Variants in GREB1L observed in about 807,000 individuals in gnomAD.
GREB1L encodes GREB1-like protein.
In GREB1L, 17 loss-of-function variants were observed where a neutral mutation model predicts 200.8. That is an observed-to-expected ratio of 0.08 (90% CI 0.06 to 0.13). GREB1L has a LOEUF of 0.13. Ranked by LOEUF, GREB1L falls within the 10% of genes least tolerant of loss-of-function variation. The pLI, the probability that GREB1L is intolerant of heterozygous loss-of-function variation, is 1.00. For synonymous variants in GREB1L, 789 were observed against 893.0 expected (o/e 0.88, Z 2.08); for missense variants, 1,657 against 2,367.7 (o/e 0.70, Z 6.23).
chr18:21,435,797 A>C (rs1477350859), intron 7 of GREB1L, among the ~76,000 whole-genome samples: 4 of 152,212 alleles, frequency 2.6e-5, no homozygotes, highest in African/African-American at 9.7e-5. Context: ...TGTGGATTTC[A>C]CTCTATAACT....
chr18:21,261,165 A>T (rs1325270643), intron 1 of GREB1L, among the ~76,000 whole-genome samples: 1 of 152,054 alleles, frequency 6.6e-6, no homozygotes, highest in Non-Finnish European at 1.5e-5. Flanking sequence ...CTATGTAAAT[A>T]TTTAGACTAT....
chr18:21,397,538 A>AT (rs1276710705), intron 5 of GREB1L, among the ~76,000 whole-genome samples: 7,526 of 132,726 alleles, frequency 0.057, 310 homozygotes, highest in Admixed American at 0.14. Flanking sequence ...AAAAAAAAAA[A>AT]AAAAATAATA....
intron 1 of GREB1L, among the ~76,000 whole-genome samples, chr18:21,343,975 G>A (rs896839444): frequency 2.0e-5 from 3 of 151,950 alleles, no homozygotes; most frequent in Non-Finnish European, 4.4e-5. Context: ...TGGTTTGACC[G>A]TGTTGGCCAG....
rs140980161 is a variant in GREB1L, at chr18:21,362,672, A to G, written c.-119-3355A>G. ...TTAATCTCCATAATTGGCATTGACC[A>G]CATGATGTTCTTAATTGACCTCCAG... is the stretch of plus-strand genomic sequence containing the variant. On this transcript the variant is annotated intron_variant, in intron 1 of 32. Coordinates refer to ENST00000424526, the MANE Select transcript of GREB1L (RefSeq NM_001142966.3). Among the ~76,000 whole-genome samples the G allele has an allele frequency of 1.8e-4, 27 of 152,354 alleles. No homozygotes were observed. The East Asian group carries it at 4.8e-3, about 27-fold the overall frequency.
At chr18:21,355,178 G>A (rs541296162) in intron 1 of GREB1L, among the ~76,000 whole-genome samples, 3 of 151,012 alleles carry the variant, frequency 2.0e-5, no homozygotes, top group Admixed American at 6.6e-5. Context: ...GGAATCACAT[G>A]CTGTCTTTTG....
chr18:21,476,222 G>A (rs1260106345), intron 16 of GREB1L, among the ~76,000 whole-genome samples: 1 of 152,208 alleles, frequency 6.6e-6, no homozygotes, highest in Non-Finnish European at 1.5e-5. Context: ...AGATGCTGAG[G>A]TTAGGAATCT....
intron 1 of GREB1L, among the ~76,000 whole-genome samples, chr18:21,271,318 A>G (rs1176712813): frequency 6.6e-6 from 1 of 151,994 alleles, no homozygotes; most frequent in Non-Finnish European, 1.5e-5. Flanking sequence ...CACCCCACAA[A>G]TTTATGGCAT....
chr18:21,313,683 T>A (rs1437078747), intron 1 of GREB1L, among the ~76,000 whole-genome samples: 4 of 152,248 alleles, frequency 2.6e-5, no homozygotes, highest in Admixed American at 6.5e-5. Flanking sequence ...AACTAGCTAA[T>A]CATACCAACA....
Position 21,505,967 on chromosome 18 carries a change from C to A in GREB1L, c.4368+18C>A. 1 of 1,546,350 alleles carries A rather than the reference C, an allele frequency of 6.5e-7. No homozygotes were observed. Among genetic ancestry groups the A allele is most frequent in the Non-Finnish European group, 8.7e-7 (1 of 1,143,986 alleles). The stretch of plus-strand genomic sequence containing the variant: ...CCTCCCAGGTACCATCCCACCTTCG[C>A]CCTCGCCCTCTGTCACCCAGTATGG... On this transcript the variant is annotated intron_variant, in intron 25 of 32. Coordinates refer to ENST00000424526, the MANE Select transcript of GREB1L (RefSeq NM_001142966.3).
At position 21,288,219 on chromosome 18, in the gene GREB1L, A is replaced by G. The variant is rs140886897; in HGVS notation, c.-120+45826A>G. On this transcript the variant is annotated intron_variant, in intron 1 of 32. Transcript: ENST00000424526. The stretch of plus-strand genomic sequence containing the variant: ...ATTTTGGGTTGTGTTAGCTAAAAAT[A>G]GCCCCAAAAGCTTTTTTTCCCAGAA... Among the ~76,000 whole-genome samples the G allele has an allele frequency of 1.3e-3, 195 of 152,244 alleles. No individual in the cohort carries two copies. The Middle Eastern group carries it at 0.014, about 11-fold the overall frequency.
intron 1 of GREB1L, among the ~76,000 whole-genome samples, chr18:21,332,281 G>A (rs186055037): frequency 5.9e-5 from 9 of 152,146 alleles, no homozygotes; most frequent in East Asian, 5.8e-4. Context: ...CTGAGCAGCC[G>A]CATTTTTATT....
chr18:21,345,827 A>G (rs2143122563), intron 1 of GREB1L, among the ~76,000 whole-genome samples: 1 of 150,828 alleles, frequency 6.6e-6, no homozygotes, highest in South Asian at 2.1e-4. Context: ...AGCTGAGATC[A>G]TGCCATTGCA....
rs1382939744 is a variant in GREB1L at position 21,452,085 on chromosome 18, G to A, written c.1852G>A (p.Asp618Asn). The A allele has an allele frequency of 4.5e-5, 70 of 1,546,436 alleles. No individual in the cohort carries two copies. Among genetic ancestry groups the A allele is most frequent in the Non-Finnish European group, 5.2e-5 (60 of 1,146,744 alleles). The stretch of plus-strand genomic sequence containing the variant: ...TTCTTATCTCTATTTTGTAATAGGC[G>A]ATGACCTAGACAAGCTGCTGGAAAA... The part of the protein sequence containing the change: ...ASHFKTTSLG[D>N]DLDKLLEKMQ... The change falls in exon 14 of 33, where the codon GAT (aspartate) becomes AAT (asparagine). Residue 618 changes from aspartate to asparagine, a missense_variant and splice_region_variant. Physicochemically the swap from Asp to Asn is conservative, Grantham distance 23 (BLOSUM62 1). This residue lies in a region of GREB1L where 239 missense variants were observed against 421.8 expected (regional missense o/e 0.57). Coordinates refer to ENST00000424526, the MANE Select transcript of GREB1L (RefSeq NM_001142966.3).
chr18:21,344,999 C>T (rs1018294948), intron 1 of GREB1L, among the ~76,000 whole-genome samples: 15 of 152,150 alleles, frequency 9.9e-5, no homozygotes, highest in Admixed American at 3.9e-4. Context: ...ATCTATTCCA[C>T]TCTCTTCAAG....
At chr18:21,491,226 A>G (rs1308432592) in intron 19 of GREB1L, among the ~76,000 whole-genome samples, 3 of 152,162 alleles carry the variant, frequency 2.0e-5, no homozygotes, top group Non-Finnish European at 2.9e-5. Flanking sequence ...TCTGCGCCCT[A>G]TACATTAAAT....
chr18:21,463,316 T>G (rs1043987842), intron 15 of GREB1L, among the ~76,000 whole-genome samples: 24 of 151,652 alleles, frequency 1.6e-4, no homozygotes, highest in Non-Finnish European at 4.4e-5. Flanking sequence ...TGGCTAATTT[T>G]TTGTATTTTT....
intron 4 of GREB1L, among the ~76,000 whole-genome samples, chr18:21,392,263 A>ATCATCATCATCATCATCAATT: frequency 6.6e-6 from 1 of 152,324 alleles, no homozygotes; most frequent in Non-Finnish European, 1.5e-5. Flanking sequence ...AGTGCTCCAT[A>ATCATCATCATCATCATCAATT]AGTTTTAGCT....
intron 4 of GREB1L, among the ~76,000 whole-genome samples, chr18:21,389,938 G>A (rs2040724847): frequency 6.6e-6 from 1 of 152,170 alleles, no homozygotes; most frequent in Non-Finnish European, 1.5e-5. Flanking sequence ...AGGCAAGGAT[G>A]AAGTTATAGG....
In GREB1L at chr18:21,490,041, G is replaced by A; in HGVS notation, c.2720G>A (p.Arg907His). ...CCCAGGCTGCACAGCATGGTCGTCC[G>A]CTGCTATCTTCTCATCCAGCAGTAC... ...RYPRLHSMVV[R>H]CYLLIQQYSE... The change falls in exon 19 of 33, where the codon CGC becomes CAC. Residue 907 changes from arginine (R) to histidine (H), a missense_variant. Physicochemically the swap from Arg to His is conservative, Grantham distance 29. This residue lies in a region of GREB1L where 82 missense variants were observed against 95.9 expected (regional missense o/e 0.85). Coordinates refer to ENST00000424526, the MANE Select transcript of GREB1L (RefSeq NM_001142966.3). 3.9e-6 allele frequency: 6 copies of A among 1,551,792 alleles called. No homozygotes were observed. Among genetic ancestry groups the A allele is most frequent in the Non-Finnish European group, 5.2e-6 (6 of 1,147,022 alleles).
Sources: allele counts gnomAD v4.1 joint callset (sites outside exome capture counted in the v4.1 genomes callset), GRCh38; gene constraint gnomAD v4.1.1; regional missense constraint gnomAD v4.1.1; transcripts MANE v1.5; gene names NCBI Gene and HGNC (gene_info 2026-07-23, HGNC 2026-07-21).